Variants in LINGO2 observed in about 807,000 individuals in gnomAD.
LINGO2 encodes the protein leucine-rich repeat and immunoglobulin-like domain-containing nogo receptor-interacting protein 2.
Under a neutral mutation model 30.6 loss-of-function variants are expected in LINGO2, and 14 were observed. That is an observed-to-expected ratio of 0.46 (90% CI 0.30 to 0.72). The LOEUF (loss-of-function observed/expected upper bound fraction) is 0.72, where lower values mean the gene tolerates loss of function less well. LINGO2 is among the 30% of genes least tolerant of loss of function. LINGO2 has a pLI of 0.07. For missense variants in LINGO2, 729 were observed against 751.7 expected (o/e 0.97, Z 0.35); for synonymous variants, 317 against 288.5 (o/e 1.10, Z -1.00).
the LINGO2 span, among the ~76,000 whole-genome samples, chr9:29,088,712 T>C: frequency 6.6e-6 from 1 of 152,208 alleles, no homozygotes; most frequent in African/African-American, 2.4e-5. Flanking sequence ...GATAATCCTT[T>C]TAAATCCACA....
At chr9:29,188,564 G>C in the LINGO2 span, among the ~76,000 whole-genome samples, 25,030 of 151,914 alleles carry the variant, frequency 0.16, 2,174 homozygotes, top group East Asian at 0.38. Context: ...TTGTCATCAT[G>C]GCCCGTTCTC....
chr9:28,394,228 C>T (rs1487272949), intron 2 of LINGO2, among the ~76,000 whole-genome samples: 2 of 152,200 alleles, frequency 1.3e-5, no homozygotes, highest in Non-Finnish European at 2.9e-5. Context: ...CGCAATGCTT[C>T]ACTTTGCGTA....
chr9:28,502,207 A>C (rs777884429), intron 1 of LINGO2, among the ~76,000 whole-genome samples: 1 of 151,690 alleles, frequency 6.6e-6, no homozygotes, highest in Non-Finnish European at 1.5e-5. Context: ...CTTCTTCCAA[A>C]GATATTTTCT....
At chr9:28,745,200 C>G in the LINGO2 span, among the ~76,000 whole-genome samples, 6 of 152,034 alleles carry the variant, frequency 3.9e-5, no homozygotes, top group African/African-American at 1.5e-4. Context: ...TATTTTTAAG[C>G]CTTCTTCCTA....
At chr9:28,981,316 G>T in the LINGO2 span, among the ~76,000 whole-genome samples, 61 of 152,038 alleles carry the variant, frequency 4.0e-4, 2 homozygotes, top group Non-Finnish European at 7.4e-5. Flanking sequence ...TTTCAGTCAA[G>T]GAATGCCTAT....
At chr9:28,793,091 A>C in the LINGO2 span, among the ~76,000 whole-genome samples, 7 of 152,182 alleles carry the variant, frequency 4.6e-5, no homozygotes, top group Non-Finnish European at 8.8e-5. Context: ...TATCTTAACA[A>C]AAGTAGAAAT....
At chr9:28,416,046 TA>T (rs894007251) in intron 2 of LINGO2, among the ~76,000 whole-genome samples, 8 of 152,092 alleles carry the variant, frequency 5.3e-5, no homozygotes, top group African/African-American at 1.4e-4. Context: ...TTCATTTGTA[TA>T]AAAAAACTGT....
chr9:28,049,134 G>A (rs1386044373), intron 4 of LINGO2, among the ~76,000 whole-genome samples: 2 of 150,768 alleles, frequency 1.3e-5, no homozygotes, highest in Non-Finnish European at 2.9e-5. Context: ...ATGTCTTCAT[G>A]CCTTTATCCT....
the LINGO2 span, among the ~76,000 whole-genome samples, chr9:28,921,456 T>A: frequency 1.3e-5 from 2 of 152,162 alleles, no homozygotes; most frequent in African/African-American, 4.8e-5. Flanking sequence ...GTCACACAGA[T>A]AAAATTATTG....
At chr9:28,083,092 A>G (rs1825817264) in intron 4 of LINGO2, among the ~76,000 whole-genome samples, 1 of 152,166 alleles carries the variant, frequency 6.6e-6, no homozygotes, top group Non-Finnish European at 1.5e-5. Context: ...AGACTTCAAT[A>G]CCCACCTCTA....
chr9:29,104,458 C>T, the LINGO2 span, among the ~76,000 whole-genome samples: 14 of 152,248 alleles, frequency 9.2e-5, no homozygotes, highest in African/African-American at 2.4e-4. Flanking sequence ...TGAGGCCTCC[C>T]AGCCATGCTT....
chr9:29,042,384 C>T, the LINGO2 span, among the ~76,000 whole-genome samples: 8 of 152,008 alleles, frequency 5.3e-5, no homozygotes, highest in African/African-American at 1.9e-4. Context: ...ACACAAAAAC[C>T]TGTATATGAA....
the LINGO2 span, among the ~76,000 whole-genome samples, chr9:28,816,700 GAA>G: frequency 2.0e-5 from 3 of 152,040 alleles, no homozygotes; most frequent in African/African-American, 7.2e-5. Context: ...CAAATGAAAA[GAA>G]AGAGAGGTGA....
chr9:28,168,910 T>C (rs1346741234), intron 4 of LINGO2, among the ~76,000 whole-genome samples: 1 of 152,236 alleles, frequency 6.6e-6, no homozygotes, highest in African/African-American at 2.4e-5. Context: ...TCATACATCT[T>C]TCAGTAAGTC....
Position 28,249,698 on chromosome 9 carries a change from A to T in LINGO2, c.-87+45510T>A, listed in dbSNP as rs1250838987. ...TATAGCAATGCTTAATGAGACGGCA[A>T]GCATGCATGAATAATTATTTTTACT... On this transcript the variant is annotated intron_variant, in intron 4 of 5. Coordinates refer to ENST00000379992, the Ensembl canonical transcript of LINGO2. Among the ~76,000 whole-genome samples, 4 of 152,292 alleles carry T rather than the reference A, an allele frequency of 2.6e-5. No homozygotes were observed. In the South Asian group the frequency reaches 6.2e-4, roughly 24 times the overall value.
intron 4 of LINGO2, among the ~76,000 whole-genome samples, chr9:28,192,175 C>A (rs908102668): frequency 6.6e-6 from 1 of 152,022 alleles, no homozygotes; most frequent in Admixed American, 6.6e-5. Context: ...CCTAAGATAC[C>A]TGCATCATCT....
At chr9:28,364,265 T>C (rs976843040) in intron 3 of LINGO2, among the ~76,000 whole-genome samples, 6 of 152,328 alleles carry the variant, frequency 3.9e-5, no homozygotes, top group Non-Finnish European at 8.8e-5. Context: ...TAATTCAACA[T>C]TCTTTTTTGC....
At chr9:28,279,732 A>T (rs1823252334) in intron 4 of LINGO2, among the ~76,000 whole-genome samples, 1 of 152,068 alleles carries the variant, frequency 6.6e-6, no homozygotes, top group Non-Finnish European at 1.5e-5. Flanking sequence ...AATATCTGCA[A>T]GGTATGTTTG....
chr9:27,998,936 A>T (rs1413879168), intron 5 of LINGO2, among the ~76,000 whole-genome samples: 1 of 152,160 alleles, frequency 6.6e-6, no homozygotes, highest in Non-Finnish European at 1.5e-5. Flanking sequence ...CTCTAAGTTC[A>T]GCCTTAAGTA....
Sources: gnomAD v4.1 joint callset for allele counts (sites outside exome capture counted in the v4.1 genomes callset) on GRCh38, gnomAD v4.1.1 for gene constraint, MANE v1.5 for transcripts, NCBI Gene and HGNC (gene_info 2026-07-23, HGNC 2026-07-21) for gene names.